GRAP2: variants seen among roughly 807,000 people sequenced by gnomAD.
GRAP2 encodes the protein GRB2-related adapter protein 2.
Under a neutral mutation model 43.5 loss-of-function variants are expected in GRAP2, and 31 were observed. That is an observed-to-expected ratio of 0.71 (90% CI 0.54 to 0.96). The LOEUF (loss-of-function observed/expected upper bound fraction) is 0.96, where lower values mean the gene tolerates loss of function less well. Among genes scored for constraint, GRAP2 ranks in the 40% least tolerant of loss-of-function variants. The pLI is 0.00. For missense variants in GRAP2, 371 were observed against 424.4 expected (o/e 0.87, Z 1.11); for synonymous variants, 156 against 164.8 (o/e 0.95, Z 0.41).
At chr22:39,938,151 C>A (rs185732882) in intron 1 of GRAP2, among the ~76,000 whole-genome samples, 2 of 152,266 alleles carry the variant, frequency 1.3e-5, no homozygotes, top group Admixed American at 6.5e-5. Flanking sequence ...GACTTGTCTT[C>A]TTCCTTCTCT....
chr22:39,913,664 G>A (rs1779130768), intron 1 of GRAP2, among the ~76,000 whole-genome samples: 1 of 152,202 alleles, frequency 6.6e-6, no homozygotes, highest in South Asian at 2.1e-4. Context: ...AAGTAGGCCA[G>A]TGACAGTGGC....
At chr22:39,952,850 A>G (rs1056811352) in intron 2 of GRAP2, among the ~76,000 whole-genome samples, 1 of 152,106 alleles carries the variant, frequency 6.6e-6, no homozygotes, top group African/African-American at 2.4e-5. Context: ...TTTCTGAAGG[A>G]CTTTCAGGTA....
intron 1 of GRAP2, among the ~76,000 whole-genome samples, chr22:39,937,486 G>C (rs1157076996): frequency 6.6e-6 from 1 of 152,228 alleles, no homozygotes; most frequent in African/African-American, 2.4e-5. Context: ...CCCAGGGAAA[G>C]TGAGGAAAAA....
At chr22:39,958,661 A>G (rs1309507189) in intron 3 of GRAP2, among the ~76,000 whole-genome samples, 1 of 152,256 alleles carries the variant, frequency 6.6e-6, no homozygotes, top group African/African-American at 2.4e-5. Context: ...GCCCCCTATC[A>G]GATTGCAGTC....
intron 3 of GRAP2, among the ~76,000 whole-genome samples, chr22:39,958,581 G>A (rs577630130): frequency 1.3e-5 from 2 of 151,922 alleles, no homozygotes; most frequent in African/African-American, 2.4e-5. Flanking sequence ...GAACGAATAT[G>A]TATTATTGAA....
At chr22:39,926,861 T>C in intron 1 of GRAP2, 6 of 983,280 alleles carry the variant, frequency 6.1e-6, no homozygotes, top group Non-Finnish European at 7.2e-6. Context: ...CAAGTAAGTA[T>C]AAATATATTT....
chr22:39,906,489 C>T (rs2066524236), intron 1 of GRAP2, among the ~76,000 whole-genome samples: 1 of 152,096 alleles, frequency 6.6e-6, no homozygotes, highest in African/African-American at 2.4e-5. Flanking sequence ...TCCACTCCTT[C>T]AGTGGCCATT....
chr22:39,916,651 C>T (rs2066604883), intron 1 of GRAP2, among the ~76,000 whole-genome samples: 1 of 152,210 alleles, frequency 6.6e-6, no homozygotes. Flanking sequence ...CAGCTTAGTT[C>T]CCCCATGAAA....
At position 39,973,268 on chromosome 22, in the gene GRAP2, G is replaced by A. The variant is rs562051904; in HGVS notation, c.*2184G>A. The A allele has an allele frequency of 2.0e-5, 3 of 152,348 alleles. No homozygotes were observed. Among genetic ancestry groups the A allele is most frequent in the South Asian group, 2.1e-4 (1 of 4,826 alleles). The allele number at this position is 152,348 out of a possible 1,614,324, so 9.4% of individuals were successfully genotyped here. ...CTAGTTAGACGGAGGTATGTGATTC[G>A]ATTCTGGTGGAGACTTTGTGCCTTG... On this transcript the variant is annotated 3_prime_UTR_variant, in exon 8 of 8. Coordinates refer to ENST00000344138, the MANE Select transcript of GRAP2 (RefSeq NM_004810.4).
In GRAP2 at chr22:39,968,161, TC is replaced by T; in HGVS notation, c.583del (p.Leu195CysfsTer45). 1 of 1,607,282 alleles carries T rather than the reference TC, an allele frequency of 6.2e-7. No individual in the cohort carries two copies. The highest frequency in any genetic ancestry group is 8.5e-7 in the Non-Finnish European group (1 of 1,177,110). ...RKLSDHPPTL[P>X]LQQHQHQPQP... The stretch of plus-strand genomic sequence containing the variant: ...AGCTGTCGGATCACCCCCCGACCCT[TC>T]CCCTGCAGCAGCACCAGCACCAGCC... On this transcript the variant is annotated frameshift_variant, in exon 6 of 8. Coordinates refer to ENST00000344138, the MANE Select transcript of GRAP2 (RefSeq NM_004810.4). LOFTEE classifies it high-confidence loss of function.
rs372341383 is a variant in GRAP2, at chr22:39,966,181, C to T, written c.459+23C>T. 4.4e-6 allele frequency: 7 copies of T among 1,602,688 alleles called. No individual in the cohort carries two copies. In the East Asian group the frequency reaches 1.1e-4, roughly 26 times the overall value. Reference sequence around the variant, plus strand: ...CAGGTATGCTCCAGATCCAGTCGACCCCAATCTAGAGATTTTAGGCAGCCT... The same window carrying T: ...CAGGTATGCTCCAGATCCAGTCGACTCCAATCTAGAGATTTTAGGCAGCCT... On this transcript the variant is annotated intron_variant, in intron 5 of 7. Coordinates refer to ENST00000344138, the MANE Select transcript of GRAP2 (RefSeq NM_004810.4).
upstream of GRAP2, among the ~76,000 whole-genome samples, chr22:39,897,804 C>G (rs778825593): frequency 6.6e-6 from 1 of 152,146 alleles, no homozygotes; most frequent in East Asian, 1.9e-4. Flanking sequence ...CAGGCATGAG[C>G]CAACCATGCC....
chr22:39,955,740 C>G, intron 2 of GRAP2, 79 bp from the exon 3 acceptor site: 1 of 749,500 alleles, frequency 1.3e-6, no homozygotes, highest in South Asian at 1.5e-5. Context: ...AAAGGGCCTT[C>G]TTTGCCTGGC....
chr22:39,942,488 A>G (rs904681753), intron 1 of GRAP2, among the ~76,000 whole-genome samples: 1 of 152,192 alleles, frequency 6.6e-6, no homozygotes, highest in Non-Finnish European at 1.5e-5. Context: ...ATACACTAAT[A>G]AAAATTATTT....
At chr22:39,902,771 C>G (rs2066500851) in intron 1 of GRAP2, among the ~76,000 whole-genome samples, 1 of 152,168 alleles carries the variant, frequency 6.6e-6, no homozygotes, top group Non-Finnish European at 1.5e-5. Flanking sequence ...TGGTGAAAAT[C>G]CCTTTCAATT....
chr22:39,924,466 C>T lies in GRAP2; in HGVS notation c.-14-22627C>T, dbSNP rs527437791. Among the ~76,000 whole-genome samples the T allele has an allele frequency of 9.2e-5, 14 of 152,256 alleles. No homozygotes were observed. In the South Asian group the frequency reaches 2.7e-3, roughly 29 times the overall value. ...CTGTAATCCCAACACTTCGGGAGGC[C>T]GAAGTGGGTGGATCAACTGAGGTCA... On this transcript the variant is annotated intron_variant, in intron 1 of 7. Coordinates refer to ENST00000344138, the MANE Select transcript of GRAP2 (RefSeq NM_004810.4).
chr22:39,966,106 C>G lies in GRAP2; in HGVS notation c.407C>G (p.Ser136Cys), dbSNP rs775865688. 6.2e-7 allele frequency: 1 copy of G among 1,614,018 alleles called. No individual in the cohort carries two copies. The change falls in exon 5 of 8, where the codon TCC (serine) becomes TGC (cysteine). Residue 136 changes from serine (S) to cysteine (C), a missense_variant. Physicochemically the swap from Ser to Cys is moderately radical, Grantham distance 112 (BLOSUM62 -1). Coordinates refer to ENST00000344138, the MANE Select transcript of GRAP2 (RefSeq NM_004810.4). ...NKLVDYYRTN[S>C]ISRQKQIFLR... is the part of the protein sequence containing the mutation. ...CTGGTAGACTACTACAGGACAAATT[C>G]CATCTCCAGACAGAAGCAGATCTTC...
chr22:39,925,045 G>T (rs754742707), intron 1 of GRAP2, among the ~76,000 whole-genome samples: 6 of 152,186 alleles, frequency 3.9e-5, no homozygotes, highest in Admixed American at 6.5e-5. Flanking sequence ...AAGCTCAGGT[G>T]GGGGTTACGG....
intron 1 of GRAP2, among the ~76,000 whole-genome samples, chr22:39,915,651 G>T (rs17001523): frequency 2.6e-4 from 39 of 152,260 alleles, no homozygotes; most frequent in African/African-American, 9.4e-4. Context: ...ACTTTCAAAG[G>T]AAAGAACTTG....
Sources: gnomAD v4.1 joint callset for allele counts (sites outside exome capture counted in the v4.1 genomes callset) on GRCh38, gnomAD v4.1.1 for gene constraint, MANE v1.5 for transcripts, NCBI Gene and HGNC (gene_info 2026-07-23, HGNC 2026-07-21) for gene names.